DMXL2: variants seen among roughly 807,000 people sequenced by gnomAD.
DMXL2 encodes the protein dmX-like protein 2.
A neutral mutation model predicts 331.1 loss-of-function variants in DMXL2; 103 were observed. That is an observed-to-expected ratio of 0.31 (90% CI 0.27 to 0.37). DMXL2 has a LOEUF of 0.37. DMXL2 is among the 10% of genes least tolerant of loss of function. DMXL2 has a pLI of 1.00. For synonymous variants in DMXL2, 1,281 were observed against 1,252.1 expected, an observed-to-expected ratio of 1.02 and a Z score of -0.49; for missense variants, 3,171 against 3,642.9, an observed-to-expected ratio of 0.87 and a Z score of 3.33.
intron 6 of DMXL2, among the ~76,000 whole-genome samples, chr15:51,556,402 C>T (rs2049590240): frequency 7.3e-6 from 1 of 137,640 alleles, no homozygotes. Flanking sequence ...GCAAGGATAA[C>T]ACATTATAAT....
At chr15:51,505,312 C>G (rs947909093) in intron 16 of DMXL2, among the ~76,000 whole-genome samples, 1 of 152,224 alleles carries the variant, frequency 6.6e-6, no homozygotes, top group South Asian at 2.1e-4. Flanking sequence ...CTGTGACCTA[C>G]TGCTGTCACA....
At chr15:51,559,644 C>G (rs1025522538) in intron 6 of DMXL2, among the ~76,000 whole-genome samples, 51 of 152,166 alleles carry the variant, frequency 3.4e-4, no homozygotes, top group African/African-American at 1.1e-3. Flanking sequence ...TCGCTTGAGC[C>G]CAGGAGTTCA....
At chr15:51,451,959 C>G (rs1293302837) in intron 41 of DMXL2, among the ~76,000 whole-genome samples, 1 of 152,126 alleles carries the variant, frequency 6.6e-6, no homozygotes, top group Admixed American at 6.5e-5. Context: ...ATATGACTTC[C>G]TGAGTATAAG....
intron 39 of DMXL2, 84 bp downstream of exon 39, chr15:51,455,982 A>G (rs2039583946): frequency 1.3e-6 from 2 of 1,503,956 alleles, no homozygotes; most frequent in Non-Finnish European, 1.8e-6. Context: ...CACTGAATTC[A>G]TTTTTCGATG....
At chr15:51,461,034 T>C (rs1040909302) in intron 33 of DMXL2, among the ~76,000 whole-genome samples, 1 of 152,228 alleles carries the variant, frequency 6.6e-6, no homozygotes. Flanking sequence ...GAAAGTTCTA[T>C]GGGACAGTAC....
intron 39 of DMXL2, among the ~76,000 whole-genome samples, chr15:51,455,836 ACT>A (rs2039572217): frequency 6.6e-6 from 1 of 152,074 alleles, no homozygotes; most frequent in South Asian, 2.1e-4. Context: ...CAGTTTTTTT[ACT>A]CTCACAGTAT....
intron 29 of DMXL2, 66 bp downstream of exon 29, chr15:51,471,157 A>C: frequency 6.9e-7 from 1 of 1,442,190 alleles, no homozygotes; most frequent in South Asian, 1.4e-5. Context: ...TATGTGAGAC[A>C]CATGCAAGAG....
At chr15:51,568,297 T>C (rs544936501) in intron 3 of DMXL2, 190 bp downstream of exon 3, 3 of 482,836 alleles carry the variant, frequency 6.2e-6, no homozygotes, top group Admixed American at 8.6e-5. Context: ...TCTAGAGACT[T>C]GGGTTTCTAA....
intron 21 of DMXL2, 108 bp from the exon 22 acceptor site, chr15:51,488,227 A>G: frequency 1.8e-6 from 2 of 1,082,064 alleles, no homozygotes; most frequent in Non-Finnish European, 2.5e-6. Flanking sequence ...AAAGAAGAAC[A>G]ATAACTTCAA....
At position 51,499,058 on chromosome 15, in the gene DMXL2, T is replaced by C. The variant is rs756632435; in HGVS notation, c.4166A>G (p.Glu1389Gly). 2 of 1,613,990 alleles carry C rather than the reference T, an allele frequency of 1.2e-6. No individual in the cohort carries two copies. The highest frequency in any genetic ancestry group is 2.2e-5 in the South Asian group (2 of 91,082). The change falls in exon 18 of 44, where the codon GAA (glutamate) becomes GGA (glycine). Residue 1389 changes from glutamate to glycine, a missense_variant. Transcript: ENST00000560891. ...VAIVRDPDAG[E>G]GTKRHLSRTI... ...TCGAGAGAGATGTCGCTTAGTTCCT[T>C]CTCCAGCATCAGGATCTCTAACTAT...
chr15:51,564,394 G>T, intron 4 of DMXL2, 134 bp from the exon 5 acceptor site: 1 of 574,230 alleles, frequency 1.7e-6, no homozygotes, highest in East Asian at 3.6e-5. Flanking sequence ...AAAAACACTT[G>T]GTATATATTT....
chr15:51,600,097 T>C (rs2141306041), intron 1 of DMXL2, among the ~76,000 whole-genome samples: 1 of 152,350 alleles, frequency 6.6e-6, no homozygotes, highest in Non-Finnish European at 1.5e-5. Flanking sequence ...GGTTTATTTG[T>C]GTAGTGAATT....
At chr15:51,607,978 G>C (rs889150279) in intron 1 of DMXL2, among the ~76,000 whole-genome samples, 1 of 152,136 alleles carries the variant, frequency 6.6e-6, no homozygotes, top group African/African-American at 2.4e-5. Flanking sequence ...TTGAGGTCAG[G>C]AGTTCAAGAC....
At chr15:51,456,977 G>A (rs1036520517) in intron 37 of DMXL2, among the ~76,000 whole-genome samples, 1 of 152,108 alleles carries the variant, frequency 6.6e-6, no homozygotes, top group African/African-American at 2.4e-5. Flanking sequence ...TTCGAGAACA[G>A]CCTGGGCAGC....
intron 31 of DMXL2, among the ~76,000 whole-genome samples, 188 bp from the exon 32 acceptor site, chr15:51,465,064 A>G (rs1441153656): frequency 6.6e-6 from 1 of 152,202 alleles, no homozygotes; most frequent in Non-Finnish European, 1.5e-5. Flanking sequence ...CTCTTTCTCA[A>G]TCTTCTGTGT....
At chr15:51,549,421 C>CATGCA (rs2049074328) in intron 6 of DMXL2, among the ~76,000 whole-genome samples, 1 of 152,146 alleles carries the variant, frequency 6.6e-6, no homozygotes, top group Admixed American at 6.6e-5. Flanking sequence ...CTGCTATAAA[C>CATGCA]ATGCATGTGC....
chr15:51,611,819 C>T (rs1468885109), intron 1 of DMXL2, among the ~76,000 whole-genome samples: 2 of 152,142 alleles, frequency 1.3e-5, no homozygotes, highest in African/African-American at 4.8e-5. Context: ...GTAAAACACA[C>T]CAATCAGCAG....
At chr15:51,528,059 T>C (rs2047781906) in intron 13 of DMXL2, among the ~76,000 whole-genome samples, 1 of 151,466 alleles carries the variant, frequency 6.6e-6, no homozygotes, top group Non-Finnish European at 1.5e-5. Context: ...AGCTTCATGG[T>C]AACCTCAAAT....
intron 23 of DMXL2, among the ~76,000 whole-genome samples, chr15:51,482,270 T>A (rs2042069557): frequency 6.6e-6 from 1 of 152,132 alleles, no homozygotes; most frequent in African/African-American, 2.4e-5. Flanking sequence ...AACAAAAAAA[T>A]TCTGCAAAAA....
Sources: gnomAD v4.1 joint callset for allele counts (sites outside exome capture counted in the v4.1 genomes callset) on GRCh38, gnomAD v4.1.1 for gene constraint, MANE v1.5 for transcripts, NCBI Gene and HGNC (gene_info 2026-07-23, HGNC 2026-07-21) for gene names.